The following ERBB4 variants were observed in gnomAD, a reference collection of about 807,000 sequenced individuals.
ERBB4 encodes the protein erb-b2 receptor tyrosine kinase 4.
Under a neutral mutation model 158.0 loss-of-function variants are expected in ERBB4, and 42 were observed. The observed-to-expected ratio is 0.27, with a 90% CI of 0.21 to 0.34. The LOEUF is 0.34. Among genes scored for constraint, ERBB4 ranks in the 10% least tolerant of loss-of-function variants. The probability of loss-of-function intolerance (pLI) is 1.00; values close to 1 mark genes in which losing one functional copy is unlikely to be tolerated. For synonymous variants in ERBB4, 583 were observed against 558.7 expected (o/e 1.04, Z -0.61); for missense variants, 1,333 against 1,624.1 (o/e 0.82, Z 3.08).
At chr2:211,954,465 C>A (rs1056273998) in intron 2 of ERBB4, among the ~76,000 whole-genome samples, 2 of 151,942 alleles carry the variant, frequency 1.3e-5, no homozygotes, top group Non-Finnish European at 2.9e-5. Context: ...TCAAAAAGAT[C>A]CAAATTCTTA....
At chr2:212,425,255 T>C (rs898071769) in intron 1 of ERBB4, among the ~76,000 whole-genome samples, 2 of 145,784 alleles carry the variant, frequency 1.4e-5, no homozygotes, top group African/African-American at 5.2e-5. Context: ...TTTAGAACTT[T>C]AACATGTGTG....
intron 3 of ERBB4, among the ~76,000 whole-genome samples, chr2:211,813,662 A>G (rs1403862325): frequency 6.6e-6 from 1 of 152,028 alleles, no homozygotes; most frequent in Admixed American, 6.6e-5. Context: ...TTCCTATCCT[A>G]CAAGTGTGAA....
At chr2:211,646,079 C>G (rs1056994363) in intron 16 of ERBB4, among the ~76,000 whole-genome samples, 1 of 151,264 alleles carries the variant, frequency 6.6e-6, no homozygotes, top group Non-Finnish European at 1.5e-5. Flanking sequence ...GGAAGGCTGT[C>G]CATAAAGTAC....
At chr2:212,074,873 C>A (rs1023271381) in intron 2 of ERBB4, among the ~76,000 whole-genome samples, 3 of 151,958 alleles carry the variant, frequency 2.0e-5, no homozygotes, top group African/African-American at 7.2e-5. Flanking sequence ...GTGCCTTAGT[C>A]TCCTTTCCTC....
At chr2:211,471,547 A>T (rs1015846352) in intron 20 of ERBB4, among the ~76,000 whole-genome samples, 1 of 152,154 alleles carries the variant, frequency 6.6e-6, no homozygotes, top group Non-Finnish European at 1.5e-5. Flanking sequence ...CCCACTTCTG[A>T]AAAATATAGA....
chr2:211,984,441 G>A (rs1343183666), intron 2 of ERBB4, among the ~76,000 whole-genome samples: 1 of 152,080 alleles, frequency 6.6e-6, no homozygotes, highest in Admixed American at 6.6e-5. Context: ...ATTATAATAA[G>A]CCATTTTCAA....
At chr2:211,968,523 T>A (rs759430955) in intron 2 of ERBB4, among the ~76,000 whole-genome samples, 16 of 152,076 alleles carry the variant, frequency 1.1e-4, no homozygotes, top group Admixed American at 2.6e-4. Context: ...CTTCACCCTA[T>A]CAGTTTCTTA....
intron 3 of ERBB4, among the ~76,000 whole-genome samples, chr2:211,800,873 C>T (rs2076485132): frequency 6.6e-6 from 1 of 151,960 alleles, no homozygotes; most frequent in Non-Finnish European, 1.5e-5. Context: ...TAAAAGAAAG[C>T]CAATTTTATT....
At chr2:211,874,411 A>G (rs2078439704) in intron 3 of ERBB4, among the ~76,000 whole-genome samples, 1 of 151,934 alleles carries the variant, frequency 6.6e-6, no homozygotes, top group Admixed American at 6.6e-5. Context: ...TTATTTCCAG[A>G]GTTTTTTGTT....
intron 18 of ERBB4, among the ~76,000 whole-genome samples, chr2:211,619,604 A>G (rs1370193435): frequency 6.6e-6 from 1 of 152,152 alleles, no homozygotes; most frequent in Non-Finnish European, 1.5e-5. Context: ...TTTGGATGGT[A>G]TCATCGACTT....
At chr2:212,514,502 G>A (rs1207232902) in intron 1 of ERBB4, among the ~76,000 whole-genome samples, 1 of 152,130 alleles carries the variant, frequency 6.6e-6, no homozygotes, top group Non-Finnish European at 1.5e-5. Context: ...CTAGTAATGT[G>A]TGTTAAAATA....
intron 2 of ERBB4, among the ~76,000 whole-genome samples, chr2:211,996,341 T>C (rs2082199689): frequency 2.0e-5 from 3 of 152,108 alleles, no homozygotes. Context: ...TAGTCTTTAG[T>C]AACTATTGAT....
chr2:212,326,626 T>G (rs2087850410), intron 1 of ERBB4, among the ~76,000 whole-genome samples: 1 of 150,734 alleles, frequency 6.6e-6, no homozygotes, highest in African/African-American at 2.4e-5. Flanking sequence ...CTATTTTATA[T>G]AAACATAGAC....
At chr2:211,758,094 G>C (rs978292317) in intron 4 of ERBB4, among the ~76,000 whole-genome samples, 3 of 152,104 alleles carry the variant, frequency 2.0e-5, no homozygotes, top group African/African-American at 4.8e-5. Context: ...TCACTTACAC[G>C]TACAAGCTCA....
In ERBB4 at chr2:212,418,684, T is replaced by A. The variant is rs574343197; in HGVS notation, c.82+119765A>T. 1.4e-4 allele frequency among the ~76,000 whole-genome samples: 21 copies of A among 151,898 alleles called. No individual in the cohort carries two copies. The East Asian group carries it at 3.3e-3, about 24-fold the overall frequency. ...GCTAATTTACTAACTTGAGAAATGC[T>A]TCTTAACAAAAGTAATTGTGCCTCC... is the stretch of plus-strand genomic sequence containing the variant. On this transcript the variant is annotated intron_variant, in intron 1 of 27. Coordinates refer to ENST00000342788, the MANE Select transcript of ERBB4 (RefSeq NM_005235.3).
chr2:211,883,459 T>C (rs1378066209), intron 3 of ERBB4, among the ~76,000 whole-genome samples: 1 of 151,802 alleles, frequency 6.6e-6, no homozygotes, highest in Non-Finnish European at 1.5e-5. Context: ...AAAATAATAA[T>C]AATAAAAATA....
At position 211,791,884 on chromosome 2, in the gene ERBB4, T is replaced by C. The variant is rs142391392; in HGVS notation, c.422-3725A>G. The stretch of plus-strand genomic sequence containing the variant: ...ATGCATGCAAGTTGAGTAAAAGATG[T>C]CACGAATCTTTTTTTATTTAGAGTA... On this transcript the variant is annotated intron_variant, in intron 3 of 27. Coordinates refer to ENST00000342788, the MANE Select transcript of ERBB4 (RefSeq NM_005235.3). Among the ~76,000 whole-genome samples the C allele has an allele frequency of 2.2e-4, 33 of 151,908 alleles. No homozygotes were observed. In the East Asian group the frequency reaches 6.0e-3, roughly 28 times the overall value.
At chr2:211,926,172 C>T (rs910396123) in intron 3 of ERBB4, among the ~76,000 whole-genome samples, 4 of 152,172 alleles carry the variant, frequency 2.6e-5, no homozygotes, top group Non-Finnish European at 5.9e-5. Context: ...GAGACACAAA[C>T]ACACGCATTA....
intron 1 of ERBB4, among the ~76,000 whole-genome samples, chr2:212,195,211 T>G (rs1045131347): frequency 2.0e-5 from 3 of 152,032 alleles, no homozygotes; most frequent in African/African-American, 7.2e-5. Context: ...TTGGTGTTAT[T>G]ACTCTTTTCT....
Sources: gnomAD v4.1 joint callset for allele counts (sites outside exome capture counted in the v4.1 genomes callset) on GRCh38, gnomAD v4.1.1 for gene constraint, MANE v1.5 for transcripts, NCBI Gene and HGNC (gene_info 2026-07-23, HGNC 2026-07-21) for gene names.